Variants in USP33 observed in about 807,000 individuals in gnomAD.
USP33 encodes ubiquitin specific peptidase 33.
Under a neutral mutation model 124.2 loss-of-function variants are expected in USP33, and 46 were observed. The ratio of observed to expected loss-of-function variants is 0.37; its 90% confidence interval spans 0.29 to 0.47. The LOEUF (loss-of-function observed/expected upper bound fraction) is 0.47, where lower values mean the gene tolerates loss of function less well. Among genes scored for constraint, USP33 ranks in the 20% least tolerant of loss-of-function variants. USP33 has a pLI of 0.99. For missense variants in USP33, 851 were observed against 1,070.6 expected (o/e 0.79, Z 2.86); for synonymous variants, 350 against 352.3 (o/e 0.99, Z 0.07).
In USP33 at chr1:77,697,296, G is replaced by A; in HGVS notation, c.*21C>T. The A allele has an allele frequency of 1.9e-6, 3 of 1,571,880 alleles. No individual in the cohort carries two copies. Among genetic ancestry groups the A allele is most frequent in the East Asian group, 4.5e-5 (2 of 44,412 alleles). ...GGCACATGAAAATGATTCCTCATTA[G>A]AACTCTCTACATCCTAAAAATTACA... On this transcript the variant is annotated 3_prime_UTR_variant, in exon 24 of 24. Coordinates refer to ENST00000370794, the MANE Select transcript of USP33 (RefSeq NM_201624.3).
At chr1:77,716,803 T>C (rs1029012320) in intron 17 of USP33, among the ~76,000 whole-genome samples, 1 of 152,140 alleles carries the variant, frequency 6.6e-6, no homozygotes, top group African/African-American at 2.4e-5. Flanking sequence ...AAACTAAAAT[T>C]TTTCCCACCA....
chr1:77,748,710 T>A (rs1287222949), intron 1 of USP33, among the ~76,000 whole-genome samples: 2 of 149,384 alleles, frequency 1.3e-5, no homozygotes, highest in Non-Finnish European at 3.0e-5. Context: ...CTATGGCTAA[T>A]ATTGTATTTA....
rs17100978 is a variant in USP33 at position 77,757,273 on chromosome 1, T to C, written c.-52+2370A>G. ...ATTGCCTCACTTGACTACAAGTTCT[T>C]TGAAGGCAGAAACCACGTTTCATTC... On this transcript the variant is annotated intron_variant, in intron 1 of 23. Coordinates refer to ENST00000370794, the MANE Select transcript of USP33 (RefSeq NM_201624.3). 8.6e-3 allele frequency among the ~76,000 whole-genome samples: 1,316 copies of C among 152,362 alleles called. 42 individuals carry two copies. In the East Asian group the frequency reaches 0.11, roughly 12 times the overall value.
In USP33 at chr1:77,696,169, A is replaced by C. The variant is rs1212641420; in HGVS notation, c.*1148T>G. 6.6e-6 allele frequency: 1 copy of C among 152,264 alleles called. No individual in the cohort carries two copies. Among genetic ancestry groups the C allele is most frequent in the African/African-American group, 2.4e-5 (1 of 41,474 alleles). The allele number at this position is 152,264 out of a possible 1,614,324, so 9.4% of individuals were successfully genotyped here. ...GACATTACATAATCAAGCAAATAGC[A>C]GTGCATACTATATTATTCAAAAAGA... On this transcript the variant is annotated 3_prime_UTR_variant, in exon 24 of 24. Coordinates refer to ENST00000370794, the MANE Select transcript of USP33 (RefSeq NM_201624.3).
chr1:77,711,738 CTTT>C lies in USP33; in HGVS notation c.2406+6_2406+8del. On this transcript the variant is annotated splice_donor_region_variant and intron_variant, in intron 21 of 23. Coordinates refer to ENST00000370794, the MANE Select transcript of USP33 (RefSeq NM_201624.3). The stretch of plus-strand genomic sequence containing the variant: ...TCCTAGATCAATTTGAAAAGCATCA[CTTT>C]TTTACCCGAATAAAAATTTCCAATT... 6.2e-7 allele frequency: 1 copy of C among 1,601,948 alleles called. No individual in the cohort carries two copies. The highest frequency in any genetic ancestry group is 8.5e-7 in the Non-Finnish European group (1 of 1,177,396).
At chr1:77,697,591 T>C (rs900046518) in intron 23 of USP33, 117 bp from the exon 24 acceptor site, 1 of 1,243,434 alleles carries the variant, frequency 8.0e-7, no homozygotes, top group Non-Finnish European at 1.1e-6. Flanking sequence ...TTCTGGAACA[T>C]GAATCTGCAG....
At chr1:77,736,518 T>A (rs1678472258) in intron 5 of USP33, among the ~76,000 whole-genome samples, 1 of 152,216 alleles carries the variant, frequency 6.6e-6, no homozygotes, top group South Asian at 2.1e-4. Flanking sequence ...CAGATCTCAT[T>A]TTCAACAGGG....
At chr1:77,744,716 G>A (rs139034487) in intron 1 of USP33, among the ~76,000 whole-genome samples, 3 of 152,036 alleles carry the variant, frequency 2.0e-5, no homozygotes, top group East Asian at 1.9e-4. Context: ...ATGGTGGCAC[G>A]TGCCTATAGT....
At chr1:77,736,859 C>A (rs895155295) in intron 5 of USP33, among the ~76,000 whole-genome samples, 3 of 152,090 alleles carry the variant, frequency 2.0e-5, no homozygotes, top group Non-Finnish European at 4.4e-5. Flanking sequence ...CCGCCCACCT[C>A]GGCCTCCCAA....
In USP33 at chr1:77,701,983, T is replaced by A. The variant is rs556572249; in HGVS notation, c.2407-512A>T. 6.6e-5 allele frequency among the ~76,000 whole-genome samples: 10 copies of A among 151,416 alleles called. No homozygotes were observed. The South Asian group carries it at 8.4e-4, about 13-fold the overall frequency. On this transcript the variant is annotated intron_variant, in intron 21 of 23. Transcript: ENST00000370794. ...ACACTCGGCCTACACACACAAAAAA[T>A]TTTTTTAATTAGCTGTGTGAGGTGA...
At chr1:77,711,309 A>G (rs1046217966) in intron 21 of USP33, among the ~76,000 whole-genome samples, 1 of 152,140 alleles carries the variant, frequency 6.6e-6, no homozygotes, top group Non-Finnish European at 1.5e-5. Context: ...AGCAAATCAC[A>G]TGAGGTCAGG....
intron 14 of USP33, chr1:77,721,463 CCAAG>C (rs1373884719): frequency 5.4e-6 from 3 of 556,708 alleles, no homozygotes; most frequent in Non-Finnish European, 9.5e-6. Context: ...TGTCATATGT[CCAAG>C]CAAGGTGCTA....
At chr1:77,712,341 T>C (rs940088331) in intron 20 of USP33, among the ~76,000 whole-genome samples, 1 of 152,184 alleles carries the variant, frequency 6.6e-6, no homozygotes, top group Non-Finnish European at 1.5e-5. Flanking sequence ...CTGGCCAATG[T>C]GGTGAAACCC....
At chr1:77,759,421 C>G in intron 1 of USP33, 1 of 394,800 alleles carries the variant, frequency 2.5e-6, no homozygotes, top group Admixed American at 4.4e-5. Context: ...CATCCTCCAC[C>G]GACCGTTGAC....
At chr1:77,727,122 G>A (rs935256583) in intron 10 of USP33, among the ~76,000 whole-genome samples, 2 of 152,232 alleles carry the variant, frequency 1.3e-5, no homozygotes, top group Non-Finnish European at 2.9e-5. Context: ...AGGACTTTCT[G>A]AAGGGAATAA....
chr1:77,713,324 T>C (rs1378322050), intron 19 of USP33, 43 bp from the exon 20 acceptor site: 1 of 1,498,498 alleles, frequency 6.7e-7, no homozygotes, highest in Non-Finnish European at 9.0e-7. Flanking sequence ...CTTTTAATTA[T>C]ATTCCTTTCA....
intron 20 of USP33, among the ~76,000 whole-genome samples, chr1:77,712,790 C>T (rs1474455146): frequency 6.6e-6 from 1 of 150,394 alleles, no homozygotes; most frequent in Non-Finnish European, 1.5e-5. Context: ...CCTAGGAGGT[C>T]GACGCTGCAG....
intron 6 of USP33, among the ~76,000 whole-genome samples, chr1:77,735,780 A>AAAC (rs574257586): frequency 2.0e-5 from 3 of 152,340 alleles, no homozygotes; most frequent in African/African-American, 7.2e-5. Context: ...GAAAAATGAG[A>AAAC]AACACTGTTC....
In USP33 at chr1:77,739,336, T is replaced by C. The variant is rs1343990023; in HGVS notation, c.280A>G (p.Arg94Gly). The part of the protein sequence containing the change: ...YACSKEVFLD[R>G]KLGTQPSLPH... ...AATGAAGGCTGAGTTCCTAATTTCC[T>C]ATCCAAAAATACTTCTTTGCTGCAA... Residue 94 changes from arginine to glycine, a missense_variant, in exon 5 of 24, where the codon AGG (arginine) becomes GGG (glycine). Arg to Gly is a moderately radical substitution (Grantham distance 125). Coordinates refer to ENST00000370794, the MANE Select transcript of USP33 (RefSeq NM_201624.3). 1 of 1,613,796 alleles carries C rather than the reference T, an allele frequency of 6.2e-7. No homozygotes were observed. Among genetic ancestry groups the C allele is most frequent in the Admixed American group, 1.7e-5 (1 of 59,988 alleles).
Sources: allele counts gnomAD v4.1 joint callset (sites outside exome capture counted in the v4.1 genomes callset), GRCh38; gene constraint gnomAD v4.1.1; transcripts MANE v1.5; gene names NCBI Gene and HGNC (gene_info 2026-07-23, HGNC 2026-07-21).